The following PPP1R16B variants were observed in gnomAD, a reference collection of about 807,000 sequenced individuals.
PPP1R16B encodes protein phosphatase 1 regulatory subunit 16B.
Under a neutral mutation model 61.7 loss-of-function variants are expected in PPP1R16B, and 14 were observed. The ratio of observed to expected loss-of-function variants is 0.23; its 90% CI spans 0.15 to 0.35. The LOEUF is 0.35. Among genes scored for constraint, PPP1R16B ranks in the 10% least tolerant of loss-of-function variants. The pLI is 1.00. For missense variants in PPP1R16B, 547 were observed against 752.5 expected (o/e 0.73, Z 3.19); for synonymous variants, 266 against 305.3 (o/e 0.87, Z 1.34).
At chr20:38,864,670 G>C (rs368556852) in intron 2 of PPP1R16B, among the ~76,000 whole-genome samples, 109 of 152,210 alleles carry the variant, frequency 7.2e-4, no homozygotes, top group African/African-American at 2.4e-3. Context: ...TATAACAGAG[G>C]GAGTCACAGG....
chr20:38,907,340 TGGATGGATAGAC>T lies in PPP1R16B; in HGVS notation c.898+287_898+298del, dbSNP rs1212050302. On this transcript the variant is annotated intron_variant, in intron 8 of 10. Coordinates refer to ENST00000299824, the MANE Select transcript of PPP1R16B (RefSeq NM_015568.4). This position sits in a 1 kb window ranked among gnomAD's most constrained non-coding sequence, Gnocchi z 4.5. ...ATGGATGGATGGATGGATGGATGGA[TGGATGGATAGAC>T]AGAAAAATAAGTGGATGAGTGGGTA... 1.3e-5 allele frequency among the ~76,000 whole-genome samples: 2 copies of T among 150,414 alleles called. No homozygotes were observed. The highest frequency in any genetic ancestry group is 2.9e-5 in the Non-Finnish European group (2 of 67,938).
rs766252443 is a variant in PPP1R16B at position 38,905,978 on chromosome 20, G to A, written c.706G>A (p.Ala236Thr). ...CTTTCCTCTCCTCCAGCTGCACATA[G>A]CTGGAGCCAATGGATACCTGCGGGC... is the stretch of plus-strand genomic sequence containing the variant. ...DAQGATLLHI[A>T]GANGYLRAAE... The change falls in exon 7 of 11, where the codon GCT (alanine) becomes ACT (threonine). Residue 236 changes from alanine to threonine, a missense_variant. Ala to Thr is a moderately conservative substitution (Grantham distance 58, BLOSUM62 0). Transcript: ENST00000299824. 6.2e-7 allele frequency: 1 copy of A among 1,613,168 alleles called. No individual in the cohort carries two copies. Among genetic ancestry groups the A allele is most frequent in the Non-Finnish European group, 8.5e-7 (1 of 1,179,694 alleles).
chr20:38,873,338 T>C (rs2085143052), intron 2 of PPP1R16B, among the ~76,000 whole-genome samples: 1 of 152,142 alleles, frequency 6.6e-6, no homozygotes, highest in Non-Finnish European at 1.5e-5. Context: ...GTTCTCGTGG[T>C]GCCCAGCTCA....
Position 38,889,645 on chromosome 20 carries a change from G to C in PPP1R16B, c.301G>C (p.Gly101Arg). 1 of 1,597,200 alleles carries C rather than the reference G, an allele frequency of 6.3e-7. No homozygotes were observed. The highest frequency in any genetic ancestry group is 8.6e-7 in the Non-Finnish European group (1 of 1,164,456). ...CAGCCCTGATTTGTGCAATGAGGAC[G>C]GACTCACAGCCCTACACCAGGTAAG... Reference protein sequence around the residue: ...KVSPDLCNEDGLTALHQCCID... With the variant: ...KVSPDLCNEDRLTALHQCCID... Residue 101 changes from glycine (G) to arginine (R), a missense_variant, in exon 3 of 11, where the codon GGA (glycine) becomes CGA (arginine). Coordinates refer to ENST00000299824, the MANE Select transcript of PPP1R16B (RefSeq NM_015568.4).
intron 1 of PPP1R16B, among the ~76,000 whole-genome samples, chr20:38,829,114 G>A (rs1224606769): frequency 1.3e-5 from 2 of 152,164 alleles, no homozygotes; most frequent in Admixed American, 1.3e-4. Flanking sequence ...GTCAACAAGA[G>A]GAATGGAGTT....
chr20:38,900,557 C>T, intron 4 of PPP1R16B, 24 bp from the exon 5 acceptor site: 5 of 1,589,548 alleles, frequency 3.1e-6, no homozygotes, highest in Non-Finnish European at 4.3e-6. Flanking sequence ...CTACTTGGCC[C>T]TCACCCTGCC....
At chr20:38,896,948 A>G (rs909859680) in intron 4 of PPP1R16B, among the ~76,000 whole-genome samples, 34 of 152,010 alleles carry the variant, frequency 2.2e-4, no homozygotes, top group African/African-American at 8.2e-4. Context: ...GGAGTTCGAG[A>G]CCAGCCTGAC....
intron 1 of PPP1R16B, among the ~76,000 whole-genome samples, chr20:38,816,625 G>C (rs2084737519): frequency 6.6e-6 from 1 of 152,200 alleles, no homozygotes; most frequent in South Asian, 2.1e-4. Context: ...ACCTGTCCTA[G>C]ATAGCTCTTC....
At chr20:38,910,031 G>C (rs1053524159) in intron 10 of PPP1R16B, among the ~76,000 whole-genome samples, 1 of 152,104 alleles carries the variant, frequency 6.6e-6, no homozygotes, top group Non-Finnish European at 1.5e-5. Flanking sequence ...CCAGGCTGGA[G>C]TGCAGTGGTG....
rs1416501101 is a variant in PPP1R16B at position 38,921,460 on chromosome 20, T to A, written c.*2794T>A. 1 of 152,252 alleles carries A rather than the reference T, an allele frequency of 6.6e-6. No homozygotes were observed. Among genetic ancestry groups the A allele is most frequent in the Non-Finnish European group, 1.5e-5 (1 of 68,044 alleles). 9.4% of individuals were successfully genotyped at this position (152,252 alleles called of 1,614,324 possible). The stretch of plus-strand genomic sequence containing the variant: ...ACAGGCATCAGCAGTCCCATTCAAG[T>A]CACCTGAGGCAAAGTGTCTGCATCT... On this transcript the variant is annotated 3_prime_UTR_variant, in exon 11 of 11. Transcript: ENST00000299824.
intron 2 of PPP1R16B, among the ~76,000 whole-genome samples, chr20:38,861,247 G>C (rs1307657423): frequency 6.6e-6 from 1 of 152,224 alleles, no homozygotes. Context: ...GAGCTACCTG[G>C]TGGGATGTTG....
At chr20:38,915,634 G>A (rs1262539229) in intron 10 of PPP1R16B, among the ~76,000 whole-genome samples, 3 of 151,946 alleles carry the variant, frequency 2.0e-5, no homozygotes, top group Non-Finnish European at 4.4e-5. Context: ...AGAGGCCTGC[G>A]TCACTGCGCC....
rs1418232264 is a variant in PPP1R16B at position 38,873,740 on chromosome 20, T to TTCG, written c.251-15854_251-15853insCGT. ...AAGACAGAAGCTGAAACATCTTTTT[T>TTCG]TTGTTTTTTTTTTTTTGAGATGGAG... On this transcript the variant is annotated intron_variant, in intron 2 of 10. Transcript: ENST00000299824. 3.3e-4 allele frequency among the ~76,000 whole-genome samples: 30 copies of TTCG among 89,662 alleles called. No homozygotes were observed. In the Admixed American group the frequency reaches 3.3e-3, roughly 10 times the overall value. The allele number at this position is 89,662 out of a possible 152,430, so 58.8% of individuals were successfully genotyped here.
At chr20:38,899,015 G>A (rs186385150) in intron 4 of PPP1R16B, among the ~76,000 whole-genome samples, 249 of 152,330 alleles carry the variant, frequency 1.6e-3, no homozygotes, top group Middle Eastern at 0.01. Context: ...GACAGAGCCA[G>A]ACCAGGGGGC....
At chr20:38,851,676 A>G (rs2084969918) in intron 2 of PPP1R16B, among the ~76,000 whole-genome samples, 1 of 152,184 alleles carries the variant, frequency 6.6e-6, no homozygotes, top group African/African-American at 2.4e-5. Context: ...TAGCAAAGTC[A>G]TTGTGAAGAG....
chr20:38,902,445 G>T (rs1157793282), intron 5 of PPP1R16B, among the ~76,000 whole-genome samples: 3 of 152,232 alleles, frequency 2.0e-5, no homozygotes, highest in Non-Finnish European at 4.4e-5. Flanking sequence ...TGACCAATAT[G>T]AATCCATTGC....
intron 2 of PPP1R16B, among the ~76,000 whole-genome samples, chr20:38,882,170 G>A (rs929700329): frequency 3.9e-5 from 6 of 152,164 alleles, no homozygotes. Flanking sequence ...TGTAGAAAGA[G>A]CAAGGGCACA....
chr20:38,880,291 C>T (rs982235040), intron 2 of PPP1R16B, among the ~76,000 whole-genome samples: 1 of 152,160 alleles, frequency 6.6e-6, no homozygotes, highest in African/African-American at 2.4e-5. Context: ...GGGAGACCTG[C>T]AAGAGGCTTT....
chr20:38,815,375 A>G (rs1049137328), intron 1 of PPP1R16B, among the ~76,000 whole-genome samples: 3 of 152,244 alleles, frequency 2.0e-5, no homozygotes, highest in Admixed American at 1.3e-4. Context: ...CTGATAGTCC[A>G]GTGATAAAAA....
Sources: gnomAD v4.1 joint callset for allele counts (sites outside exome capture counted in the v4.1 genomes callset) on GRCh38, gnomAD v4.1.1 for gene constraint, Gnocchi (gnomAD v3.1) non-coding constraint, MANE v1.5 for transcripts, NCBI Gene and HGNC (gene_info 2026-07-23, HGNC 2026-07-21) for gene names.